Variants in ERI3 observed in about 807,000 individuals in gnomAD.
The protein encoded by ERI3 is ERI1 exoribonuclease family member 3.
ERI3 carries 18 observed loss-of-function variants against 44.4 expected under a neutral mutation model. That is an observed-to-expected ratio of 0.41 (90% CI 0.28 to 0.60). The LOEUF (loss-of-function observed/expected upper bound fraction) is 0.60. Among genes scored for constraint, ERI3 ranks in the 20% least tolerant of loss-of-function variants. ERI3 has a pLI of 0.36. For missense variants in ERI3, 294 were observed against 435.5 expected, an observed-to-expected ratio of 0.68 and a Z score of 2.89; for synonymous variants, 183 against 164.8, an observed-to-expected ratio of 1.11 and a Z score of -0.84.
chr1:44,268,813 G>A (rs188703896), intron 7 of ERI3, among the ~76,000 whole-genome samples: 344 of 152,298 alleles, frequency 2.3e-3, no homozygotes, highest in Admixed American at 3.6e-3. Flanking sequence ...GCTCCCTGCC[G>A]TTAGGGTACT....
At chr1:44,240,013 C>G (rs141677928) in intron 8 of ERI3, among the ~76,000 whole-genome samples, 1,828 of 152,376 alleles carry the variant, frequency 0.012, 41 homozygotes, top group African/African-American at 0.041. Context: ...GTCTCCAGCA[C>G]TCCCAGCTCC....
At chr1:44,284,440 G>T in intron 7 of ERI3, among the ~76,000 whole-genome samples, 1 of 152,222 alleles carries the variant, frequency 6.6e-6, no homozygotes, top group East Asian at 1.9e-4. Context: ...AGGAGGGTCA[G>T]AGACCACATT....
At chr1:44,307,944 G>A (rs1645874724) in intron 6 of ERI3, among the ~76,000 whole-genome samples, 1 of 152,170 alleles carries the variant, frequency 6.6e-6, no homozygotes, top group Non-Finnish European at 1.5e-5. Context: ...TGACAAATAA[G>A]TTACTATATT....
At chr1:44,295,746 G>C (rs1645596819) in intron 6 of ERI3, among the ~76,000 whole-genome samples, 1 of 152,186 alleles carries the variant, frequency 6.6e-6, no homozygotes, top group Non-Finnish European at 1.5e-5. Flanking sequence ...GGACCAAACA[G>C]ACTTTTGCAT....
intron 8 of ERI3, among the ~76,000 whole-genome samples, chr1:44,247,162 G>A (rs1405374563): frequency 6.6e-6 from 1 of 151,856 alleles, no homozygotes; most frequent in Non-Finnish European, 1.5e-5. Flanking sequence ...ACTGTTACAC[G>A]CTCCCCAACA....
At chr1:44,296,398 C>T (rs1205561840) in intron 6 of ERI3, among the ~76,000 whole-genome samples, 1 of 152,188 alleles carries the variant, frequency 6.6e-6, no homozygotes, top group Admixed American at 6.5e-5. Flanking sequence ...CCACCCCACG[C>T]GCTGCCTCCA....
chr1:44,265,298 A>G (rs1162477722), intron 7 of ERI3, among the ~76,000 whole-genome samples: 2 of 152,040 alleles, frequency 1.3e-5, no homozygotes, highest in Non-Finnish European at 2.9e-5. Context: ...ATGAACTTAC[A>G]CTCCCGCACA....
rs569334074 is a variant in ERI3 at position 44,352,208 on chromosome 1, T to C, written c.211+642A>G. Reference sequence around the variant, plus strand: ...CCCTGATCCTTGTAAAACAGACAGGTTGGAACTAACCACCCACCAAAAGGT... The same window carrying C: ...CCCTGATCCTTGTAAAACAGACAGGCTGGAACTAACCACCCACCAAAAGGT... On this transcript the variant is annotated intron_variant, in intron 2 of 8. Transcript: ENST00000372257. Among the ~76,000 whole-genome samples the C allele has an allele frequency of 2.0e-5, 3 of 152,212 alleles. 1 individual carries two copies. The highest frequency in any genetic ancestry group is 2.0e-4 in the Admixed American group (3 of 15,280).
chr1:44,313,337 G>T, intron 4 of ERI3, 109 bp from the exon 5 acceptor site: 3 of 989,520 alleles, frequency 3.0e-6, no homozygotes, highest in South Asian at 1.4e-5. Context: ...AAAGGGCTCT[G>T]ATCTGGCACT....
chr1:44,249,620 C>T (rs1423381534), intron 7 of ERI3, among the ~76,000 whole-genome samples: 1 of 152,204 alleles, frequency 6.6e-6, no homozygotes, highest in Non-Finnish European at 1.5e-5. Flanking sequence ...CCAGCCTTCC[C>T]CCACCCTTTC....
intron 2 of ERI3, among the ~76,000 whole-genome samples, chr1:44,346,819 T>C (rs1646792899): frequency 6.6e-6 from 1 of 152,076 alleles, no homozygotes; most frequent in Admixed American, 6.5e-5. Context: ...ATAATAATAA[T>C]ACCTATGTCT....
chr1:44,312,637 G>A (rs912462295), intron 5 of ERI3, among the ~76,000 whole-genome samples: 1 of 152,234 alleles, frequency 6.6e-6, no homozygotes, highest in South Asian at 2.1e-4. Context: ...TGCAGCCTCT[G>A]CACCCGACAG....
chr1:44,333,722 T>C (rs1300382469), intron 3 of ERI3, among the ~76,000 whole-genome samples: 4 of 152,186 alleles, frequency 2.6e-5, no homozygotes, highest in Non-Finnish European at 5.9e-5. Context: ...AAAATGTCTC[T>C]TTCACAAAAG....
intron 7 of ERI3, among the ~76,000 whole-genome samples, chr1:44,278,781 T>A (rs993320535): frequency 2.6e-5 from 4 of 152,160 alleles, no homozygotes; most frequent in African/African-American, 7.2e-5. Flanking sequence ...TTGTATTTTT[T>A]AAATAAAGAC....
intron 6 of ERI3, among the ~76,000 whole-genome samples, chr1:44,293,174 G>T (rs1645543231): frequency 6.6e-6 from 1 of 152,252 alleles, no homozygotes; most frequent in Admixed American, 6.5e-5. Context: ...TGGCGGAGCT[G>T]AGAACTATGG....
chr1:44,311,501 CTCCTTACCCACAAAGTA>C (rs1331586651), intron 5 of ERI3, among the ~76,000 whole-genome samples: 1 of 152,166 alleles, frequency 6.6e-6, no homozygotes, highest in Non-Finnish European at 1.5e-5. Flanking sequence ...GGAATTTTCC[CTCCTTACCCACAAAGTA>C]TACAGAAGTA....
intron 2 of ERI3, among the ~76,000 whole-genome samples, chr1:44,345,303 A>T (rs961582262): frequency 2.0e-5 from 3 of 152,218 alleles, no homozygotes; most frequent in African/African-American, 7.2e-5. Flanking sequence ...GCCACTGTGA[A>T]ACAGGTGGTC....
At chr1:44,289,929 A>G (rs922324424) in intron 6 of ERI3, among the ~76,000 whole-genome samples, 4 of 152,268 alleles carry the variant, frequency 2.6e-5, no homozygotes, top group Non-Finnish European at 5.9e-5. Flanking sequence ...GCCAACAGCC[A>G]GGACCAGCAA....
intron 8 of ERI3, among the ~76,000 whole-genome samples, chr1:44,225,938 A>T (rs1313123631): frequency 6.6e-6 from 1 of 152,158 alleles, no homozygotes; most frequent in East Asian, 1.9e-4. Flanking sequence ...CTTCTGAGGG[A>T]TGTGCAAGAC....
Sources: gnomAD v4.1 joint callset for allele counts (sites outside exome capture counted in the v4.1 genomes callset) on GRCh38, gnomAD v4.1.1 for gene constraint, MANE v1.5 for transcripts, NCBI Gene and HGNC (gene_info 2026-07-23, HGNC 2026-07-21) for gene names.